Variants in NLRX1 observed in about 807,000 individuals in gnomAD.
NLRX1 encodes the protein NLR family member X1.
A neutral mutation model predicts 74.2 loss-of-function variants in NLRX1; 67 were observed. That is an observed-to-expected ratio of 0.90 (90% CI 0.74 to 1.11). The LOEUF (loss-of-function observed/expected upper bound fraction) is 1.11, where lower values mean the gene tolerates loss of function less well. Ranked by LOEUF, NLRX1 falls within the 50% of genes least tolerant of loss-of-function variation. The pLI, the probability that NLRX1 is intolerant of heterozygous loss-of-function variation, is 0.00. For synonymous variants in NLRX1, 506 were observed against 559.1 expected, an observed-to-expected ratio of 0.91 and a Z score of 1.34; for missense variants, 1,191 against 1,305.4, an observed-to-expected ratio of 0.91 and a Z score of 1.35.
intron 6 of NLRX1, among the ~76,000 whole-genome samples, chr11:119,177,252 T>C (rs993975016): frequency 6.6e-6 from 1 of 151,816 alleles, no homozygotes; most frequent in Non-Finnish European, 1.5e-5. Flanking sequence ...CGGCTTATTT[T>C]TGTATTTTTA....
At position 119,180,279 on chromosome 11, in the gene NLRX1, G is replaced by A. The variant is rs144304281; in HGVS notation, c.2258G>A (p.Arg753Gln). The A allele has an allele frequency of 3.5e-5, 55 of 1,577,364 alleles. No individual in the cohort carries two copies. The highest frequency in any genetic ancestry group is 1.4e-4 in the Admixed American group (8 of 58,548). Residue 753 changes from arginine (R) to glutamine (Q), a missense_variant, in exon 7 of 10, where the codon CGG (arginine) becomes CAG (glutamine). Transcript: ENST00000409109. The stretch of plus-strand genomic sequence containing the variant: ...CTCCTGCCTGTCTTCCTGCGTGCCC[G>A]GAAGCTGGGGTGAGGACCTATCCTC... ...RTLLPVFLRA[R>Q]KLGLQLNSLG...
At chr11:119,177,551 C>T (rs1168848345) in intron 6 of NLRX1, among the ~76,000 whole-genome samples, 1 of 151,250 alleles carries the variant, frequency 6.6e-6, no homozygotes, top group African/African-American at 2.4e-5. Flanking sequence ...TCTCTTGAGC[C>T]CAGGAAGTGG....
intron 2 of NLRX1, among the ~76,000 whole-genome samples, chr11:119,171,883 A>G (rs1176334561): frequency 6.6e-6 from 1 of 151,980 alleles, no homozygotes; most frequent in Non-Finnish European, 1.5e-5. Context: ...TTGAACCGGG[A>G]GGCAGAAGTT....
intron 5 of NLRX1, 138 bp downstream of exon 5, chr11:119,174,236 T>A: frequency 8.2e-7 from 1 of 1,217,520 alleles, no homozygotes; most frequent in South Asian, 1.5e-5. Context: ...AGCCTTCTGT[T>A]CCTTTCTTTT....
chr11:119,176,707 A>G (rs777805486), intron 6 of NLRX1, among the ~76,000 whole-genome samples: 1 of 152,190 alleles, frequency 6.6e-6, no homozygotes, highest in African/African-American at 2.4e-5. Context: ...AATAATAACA[A>G]AATTAAATTA....
Position 119,183,239 on chromosome 11 carries a change from T to C in NLRX1, c.2728T>C (p.Trp910Arg). Residue 910 changes from tryptophan to arginine, a missense_variant, in exon 10 of 10, where the codon TGG becomes CGG. Trp to Arg is a moderately radical substitution (Grantham distance 101). Transcript: ENST00000409109. The surrounding 1 kb of genome is among the most constrained non-coding windows in gnomAD (Gnocchi z 5.7). ...LTEGTAVSEY[W>R]SVILSEVQRN... is the part of the protein sequence containing the mutation. ...AGAGGGGACGGCGGTGTCAGAATACTGGTCAGTGATCCTCAGTGAAGTCCA... is the reference window on the plus strand; with the variant it reads ...AGAGGGGACGGCGGTGTCAGAATACCGGTCAGTGATCCTCAGTGAAGTCCA... The C allele has an allele frequency of 5.0e-6, 8 of 1,614,228 alleles. No individual in the cohort carries two copies. The highest frequency in any genetic ancestry group is 6.8e-6 in the Non-Finnish European group (8 of 1,180,040).
intron 7 of NLRX1, among the ~76,000 whole-genome samples, chr11:119,180,711 A>C (rs1170390711): frequency 6.6e-6 from 1 of 151,422 alleles, no homozygotes; most frequent in Non-Finnish European, 1.5e-5. Flanking sequence ...CAAAAAAAAA[A>C]AAAAAAGTCT....
chr11:119,183,746 C>A lies in NLRX1; in HGVS notation c.*307C>A, dbSNP rs199476054. 2.2e-5 allele frequency: 17 copies of A among 778,726 alleles called. No homozygotes were observed. Among genetic ancestry groups the A allele is most frequent in the African/African-American group, 6.8e-5 (4 of 59,242 alleles). The allele number at this position is 778,726 out of a possible 1,614,324, so 48.2% of individuals were successfully genotyped here. A position where few individuals can be genotyped will look rare whatever the true frequency, so the allele number is the denominator to read the frequency against. Reference sequence around the variant, plus strand: ...GAGTGCCCTGAAGCACCACTACCAACCTTGCCTCCCCCTCCTCTCAAAGAG... The same window carrying A: ...GAGTGCCCTGAAGCACCACTACCAAACTTGCCTCCCCCTCCTCTCAAAGAG... On this transcript the variant is annotated 3_prime_UTR_variant, in exon 10 of 10. Transcript: ENST00000409109. The surrounding 1 kb of genome is among the most constrained non-coding windows in gnomAD (Gnocchi z 5.7).
chr11:119,176,134 C>A (rs1238111829), intron 6 of NLRX1, among the ~76,000 whole-genome samples: 3 of 152,268 alleles, frequency 2.0e-5, no homozygotes, highest in Non-Finnish European at 2.9e-5. Flanking sequence ...AGCTGTGGGA[C>A]CTTGCTAGGT....
Position 119,183,011 on chromosome 11 carries a change from G to GCAGC in NLRX1, c.2607-103_2607-100dup. The GCAGC allele has an allele frequency of 9.8e-7, 1 of 1,016,690 alleles. No homozygotes were observed. Among genetic ancestry groups the GCAGC allele is most frequent in the East Asian group, 2.6e-5 (1 of 38,528 alleles). 63.0% of individuals were successfully genotyped at this position (1,016,690 alleles called of 1,614,324 possible). A position where few individuals can be genotyped will look rare whatever the true frequency, so the allele number is the denominator to read the frequency against. ...CATTGCAGTTACCTGATCGCACTCTGCAGCCAGGAGATGAGTTGTGAGGCC... is the reference window on the plus strand; with the variant it reads ...CATTGCAGTTACCTGATCGCACTCTGCAGCCAGCCAGGAGATGAGTTGTGAGGCC... On this transcript the variant is annotated intron_variant, in intron 9 of 9. Coordinates refer to ENST00000409109, the MANE Select transcript of NLRX1 (RefSeq NM_001282144.2). This position sits in a 1 kb window ranked among gnomAD's most constrained non-coding sequence, Gnocchi z 5.7.
chr11:119,171,235 G>A (rs1313929974), intron 1 of NLRX1, 121 bp from the exon 2 acceptor site: 4 of 598,338 alleles, frequency 6.7e-6, no homozygotes, highest in African/African-American at 3.8e-5. Flanking sequence ...CTTCAGCAGG[G>A]CCAACATTTG....
chr11:119,171,454 A>T lies in NLRX1; in HGVS notation c.51A>T (p.Arg17Ser). 1 of 1,613,604 alleles carries T rather than the reference A, an allele frequency of 6.2e-7. No homozygotes were observed. Among genetic ancestry groups the T allele is most frequent in the Non-Finnish European group, 8.5e-7 (1 of 1,179,610 alleles). The change falls in exon 2 of 10, where the codon AGA becomes AGT. Residue 17 changes from arginine (R) to serine (S), a missense_variant. Arg to Ser is a moderately radical substitution (Grantham distance 110, BLOSUM62 -1). Transcript: ENST00000409109. ...GGGCCTCTTGGGGCTCTGGTTTTAG[A>T]AGAGCACTCCAGCGACCAGGTGAGC... ...LPRASWGSGFRRALQRPDDRI... is the reference protein window; with the variant it reads ...LPRASWGSGFSRALQRPDDRI...
Position 119,183,219 on chromosome 11 carries a change from G to T in NLRX1, c.2708G>T (p.Gly903Val). Residue 903 changes from glycine to valine, a missense_variant, in exon 10 of 10, where the codon GGG becomes GTG. Transcript: ENST00000409109. The surrounding 1 kb of genome is among the most constrained non-coding windows in gnomAD (Gnocchi z 5.7). ...CGGGTGGTGGTGTCACTGACAGAGG[G>T]GACGGCGGTGTCAGAATACTGGTCA... ...GARVVVSLTEGTAVSEYWSVI... is the reference protein window; with the variant it reads ...GARVVVSLTEVTAVSEYWSVI... 1 of 1,614,238 alleles carries T rather than the reference G, an allele frequency of 6.2e-7. No individual in the cohort carries two copies. Among genetic ancestry groups the T allele is most frequent in the Non-Finnish European group, 8.5e-7 (1 of 1,180,040 alleles).
Position 119,180,295 on chromosome 11 carries a change from A to ATAGGTCCTCACC in NLRX1, c.2267+7_2267+8insTAGGTCCTCACC. ...TGCGTGCCCGGAAGCTGGGGTGAGGACCTATCCTCATGCACAGGCATGAAG... is the reference window on the plus strand; with the variant it reads ...TGCGTGCCCGGAAGCTGGGGTGAGGATAGGTCCTCACCCCTATCCTCATGCACAGGCATGAAG... On this transcript the variant is annotated splice_region_variant and intron_variant, in intron 7 of 9. Transcript: ENST00000409109. 1 of 1,562,014 alleles carries ATAGGTCCTCACC rather than the reference A, an allele frequency of 6.4e-7. No individual in the cohort carries two copies. The highest frequency in any genetic ancestry group is 8.7e-7 in the Non-Finnish European group (1 of 1,147,590).
chr11:119,173,974 A>G lies in NLRX1; in HGVS notation c.725A>G (p.His242Arg), dbSNP rs759201707. Residue 242 changes from histidine (H) to arginine (R), a missense_variant, in exon 5 of 10, where the codon CAT becomes CGT. His to Arg is a conservative substitution (Grantham distance 29). Coordinates refer to ENST00000409109, the MANE Select transcript of NLRX1 (RefSeq NM_001282144.2). The surrounding 1 kb of genome is among the most constrained non-coding windows in gnomAD (Gnocchi z 4.0). ...GGGTCCCACCTCCTCTTTGTGCTCC[A>G]TGGCTTAGAGCATCTCAACCTCGAC... ...AAGSHLLFVLHGLEHLNLDFR... is the reference protein window; with the variant it reads ...AAGSHLLFVLRGLEHLNLDFR... 1 of 1,614,062 alleles carries G rather than the reference A, an allele frequency of 6.2e-7. No individual in the cohort carries two copies. The highest frequency in any genetic ancestry group is 8.5e-7 in the Non-Finnish European group (1 of 1,180,010).
chr11:119,172,758 A>G (rs1948584206), intron 3 of NLRX1, 143 bp from the exon 4 acceptor site: 1 of 674,010 alleles, frequency 1.5e-6, no homozygotes, highest in African/African-American at 1.8e-5. Context: ...GAGTCAGACA[A>G]GCCTCTAAAC....
rs751269506 is a variant in NLRX1, at chr11:119,174,866, G to A, written c.1263G>A (p.Leu421=). 1 of 1,614,064 alleles carries A rather than the reference G, an allele frequency of 6.2e-7. No individual in the cohort carries two copies. The highest frequency in any genetic ancestry group is 8.5e-7 in the Non-Finnish European group (1 of 1,180,038). ...GCACTGACCCCTCCAATTTGTCCCTGATGGCCTATGCAGCCCGAACCATGG... is the reference window on the plus strand; with the variant it reads ...GCACTGACCCCTCCAATTTGTCCCTAATGGCCTATGCAGCCCGAACCATGG... The part of the protein sequence containing the change: ...LDSTDPSNLS[L]MAYAARTMGK... Residue 421 remains leucine, a synonymous_variant, in exon 6 of 10, where the codon CTG becomes CTA. Transcript: ENST00000409109.
At chr11:119,171,316 G>A in intron 1 of NLRX1, 40 bp from the exon 2 acceptor site, 3 of 1,428,966 alleles carry the variant, frequency 2.1e-6, no homozygotes, top group Non-Finnish European at 2.9e-6. Context: ...TGCAGGGGAG[G>A]AGTGGTGGCA....
Position 119,182,131 on chromosome 11 carries a change from G to A in NLRX1, c.2392G>A (p.Val798Met), listed in dbSNP as rs751553782. 2.0e-5 allele frequency: 33 copies of A among 1,614,034 alleles called. No individual in the cohort carries two copies. Among genetic ancestry groups the A allele is most frequent in the Admixed American group, 3.3e-5 (2 of 60,006 alleles). ...NNPLTAAGVA[V>M]LMEGLAGNTS... ...CCCGCTGACGGCGGCAGGTGTTGCC[G>A]TGCTAATGGAGGGGCTGGCAGGAAA... is the stretch of plus-strand genomic sequence containing the variant. The change falls in exon 9 of 10, where the codon GTG becomes ATG. Residue 798 changes from valine (V) to methionine (M), a missense_variant. Transcript: ENST00000409109.
Sources: gnomAD v4.1 joint callset for allele counts (sites outside exome capture counted in the v4.1 genomes callset) on GRCh38, gnomAD v4.1.1 for gene constraint, Gnocchi (gnomAD v3.1) non-coding constraint, MANE v1.5 for transcripts, NCBI Gene and HGNC (gene_info 2026-07-23, HGNC 2026-07-21) for gene names.